The following ADK variants were observed in gnomAD, a reference collection of about 807,000 sequenced individuals.
ADK encodes the protein N6,N6-dimethyladenosine kinase.
ADK carries 24 observed loss-of-function variants against 44.7 expected under a neutral mutation model. The ratio of observed to expected loss-of-function variants is 0.54; its 90% CI spans 0.39 to 0.76. ADK has a LOEUF of 0.76. ADK is among the 30% of genes least tolerant of loss of function. The probability of loss-of-function intolerance (pLI) is 0.00; values close to 1 mark genes in which losing one functional copy is unlikely to be tolerated. For synonymous variants in ADK, 128 were observed against 142.6 expected, an observed-to-expected ratio of 0.90 and a Z score of 0.73; for missense variants, 321 against 425.1, an observed-to-expected ratio of 0.76 and a Z score of 2.15.
chr10:74,468,690 A>G (rs1227614332), intron 6 of ADK, among the ~76,000 whole-genome samples: 1 of 152,320 alleles, frequency 6.6e-6, no homozygotes, highest in Middle Eastern at 3.4e-3. Context: ...TCTAAAGTCT[A>G]TCCAGATCTA....
chr10:74,605,908 C>T (rs1852308403), intron 9 of ADK, among the ~76,000 whole-genome samples: 1 of 152,116 alleles, frequency 6.6e-6, no homozygotes, highest in Non-Finnish European at 1.5e-5. Flanking sequence ...TAATTACTGC[C>T]TCAATTTCAG....
intron 4 of ADK, among the ~76,000 whole-genome samples, chr10:74,391,022 A>G (rs1045239781): frequency 6.6e-6 from 1 of 152,118 alleles, no homozygotes. Flanking sequence ...CTAGTTCCCA[A>G]CAGCATCAAC....
chr10:74,659,778 A>G (rs1854630594), intron 9 of ADK, among the ~76,000 whole-genome samples: 1 of 152,162 alleles, frequency 6.6e-6, no homozygotes, highest in African/African-American at 2.4e-5. Context: ...GTAGGCTGGG[A>G]GGGTAAGCCA....
In ADK at chr10:74,177,945, A is replaced by ATATATATATTT. The variant is rs10693309; in HGVS notation, c.66-22818_66-22817insATATATATTTT. ...TAATTATATATATATATATATATATATTTTTTTTTTTTTGAGACAGAGTTT... is the reference window on the plus strand; with the variant it reads ...TAATTATATATATATATATATATATATATATATATTTTTTTTTTTTTTTTGAGACAGAGTTT... On this transcript the variant is annotated intron_variant, in intron 1 of 10. Transcript: ENST00000539909. 2.9e-3 allele frequency among the ~76,000 whole-genome samples: 311 copies of ATATATATATTT among 108,928 alleles called. 4 individuals are homozygous for ATATATATATTT. Among genetic ancestry groups the ATATATATATTT allele is most frequent in the Non-Finnish European group, 4.2e-3 (230 of 54,166 alleles). 71.5% of individuals were successfully genotyped at this position (108,928 alleles called of 152,430 possible). A position where few individuals can be genotyped will look rare whatever the true frequency, so the allele number is the denominator to read the frequency against.
At chr10:74,267,754 T>TG (rs1846265534) in intron 3 of ADK, among the ~76,000 whole-genome samples, 1 of 132,734 alleles carries the variant, frequency 7.5e-6, no homozygotes, top group African/African-American at 2.8e-5. Context: ...ATATCCTTAT[T>TG]TGTGTGTGTG....
chr10:74,609,273 G>A (rs954299466), intron 9 of ADK, among the ~76,000 whole-genome samples: 4 of 152,136 alleles, frequency 2.6e-5, no homozygotes, highest in African/African-American at 9.7e-5. Context: ...CGTTCCACAC[G>A]CCACTGTGGT....
rs538977634 is a variant in ADK at position 74,665,392 on chromosome 10, A to G, written c.878-4791A>G. On this transcript the variant is annotated intron_variant, in intron 9 of 10. Transcript: ENST00000539909. ...TCACTTTTCTGTTTCTTCCATGCCT[A>G]TTGATGCTGGGTCAGAGGCAGTGGC... Among the ~76,000 whole-genome samples the G allele has an allele frequency of 7.9e-5, 12 of 152,150 alleles. No homozygotes were observed. The South Asian group carries it at 2.5e-3, about 32-fold the overall frequency.
At chr10:74,306,950 A>C (rs1840273005) in intron 3 of ADK, among the ~76,000 whole-genome samples, 1 of 152,198 alleles carries the variant, frequency 6.6e-6, no homozygotes, top group Non-Finnish European at 1.5e-5. Context: ...TTAGGTTTTC[A>C]GTTTCCAATG....
At chr10:74,308,657 T>C (rs1345256575) in intron 3 of ADK, among the ~76,000 whole-genome samples, 1 of 152,250 alleles carries the variant, frequency 6.6e-6, no homozygotes, top group African/African-American at 2.4e-5. Flanking sequence ...TTGGCAGTTA[T>C]GAATGCTTTC....
chr10:74,425,059 A>G (rs913271531), intron 6 of ADK, among the ~76,000 whole-genome samples: 3 of 152,242 alleles, frequency 2.0e-5, no homozygotes, highest in African/African-American at 7.2e-5. Context: ...GTTAGCTTGT[A>G]TTCATTATTT....
chr10:74,670,148 GAA>G (rs1372076051), intron 9 of ADK, 33 bp from the exon 10 acceptor site: 1 of 1,519,780 alleles, frequency 6.6e-7, no homozygotes, highest in Non-Finnish European at 9.1e-7. Context: ...GTTACAAAGA[GAA>G]GTCATTCTGC....
At chr10:74,514,268 T>A (rs548752777) in intron 6 of ADK, among the ~76,000 whole-genome samples, 59 of 152,342 alleles carry the variant, frequency 3.9e-4, no homozygotes, top group Admixed American at 2.7e-3. Context: ...ACAATTTAAC[T>A]GTAATGTGCC....
At chr10:74,542,675 A>C (rs2133734719) in intron 7 of ADK, among the ~76,000 whole-genome samples, 2 of 152,072 alleles carry the variant, frequency 1.3e-5, no homozygotes, top group South Asian at 4.2e-4. Flanking sequence ...CTCTATAAAT[A>C]ATCTCATTAG....
intron 3 of ADK, among the ~76,000 whole-genome samples, chr10:74,303,891 C>A (rs780782996): frequency 5.9e-4 from 90 of 151,434 alleles, no homozygotes; most frequent in Admixed American, 9.9e-4. Flanking sequence ...ATCGCTTGAA[C>A]CCGGGAGGTG....
chr10:74,700,102 T>G (rs1856360633), intron 10 of ADK, among the ~76,000 whole-genome samples: 1 of 152,196 alleles, frequency 6.6e-6, no homozygotes, highest in Admixed American at 6.5e-5. Context: ...GCATTGTTTA[T>G]ATTTCCAAAA....
At chr10:74,609,307 G>C (rs952573617) in intron 9 of ADK, among the ~76,000 whole-genome samples, 1 of 152,156 alleles carries the variant, frequency 6.6e-6, no homozygotes, top group Admixed American at 6.5e-5. Flanking sequence ...CCTGCAGCTA[G>C]CTTGGTGTCT....
chr10:74,546,419 C>T (rs1849820873), intron 7 of ADK, among the ~76,000 whole-genome samples: 1 of 151,970 alleles, frequency 6.6e-6, no homozygotes, highest in African/African-American at 2.4e-5. Flanking sequence ...GTTGCTCTTA[C>T]TTAGATTTAT....
intron 2 of ADK, among the ~76,000 whole-genome samples, chr10:74,222,770 C>G (rs1357467064): frequency 3.4e-5 from 5 of 149,148 alleles, no homozygotes; most frequent in Non-Finnish European, 1.5e-5. Flanking sequence ...AACAAAAAAC[C>G]AAACACCGCA....
At chr10:74,618,491 G>A (rs1300695041) in intron 9 of ADK, among the ~76,000 whole-genome samples, 1 of 151,996 alleles carries the variant, frequency 6.6e-6, no homozygotes, top group African/African-American at 2.4e-5. Flanking sequence ...GTTTTGCCAT[G>A]TTGGCCAGGC....
Sources: gnomAD v4.1 joint callset for allele counts (sites outside exome capture counted in the v4.1 genomes callset) on GRCh38, gnomAD v4.1.1 for gene constraint, MANE v1.5 for transcripts, NCBI Gene and HGNC (gene_info 2026-07-23, HGNC 2026-07-21) for gene names.